The following NCAM1 variants were observed in gnomAD, a reference collection of about 807,000 sequenced individuals.
NCAM1 encodes the protein neural cell adhesion molecule 1.
Under a neutral mutation model 109.8 loss-of-function variants are expected in NCAM1, and 14 were observed. That is an observed-to-expected ratio of 0.13 (90% confidence interval 0.08 to 0.20). The LOEUF (loss-of-function observed/expected upper bound fraction) is 0.20. Ranked by LOEUF, NCAM1 falls within the 10% of genes least tolerant of loss-of-function variation. The pLI, the probability that NCAM1 is intolerant of heterozygous loss-of-function variation, is 1.00. For synonymous variants in NCAM1, 418 were observed against 442.9 expected (o/e 0.94, Z 0.70); for missense variants, 774 against 1,109.9 (o/e 0.70, Z 4.30).
At chr11:113,040,428 A>G (rs772385982) in intron 1 of NCAM1, among the ~76,000 whole-genome samples, 1 of 152,178 alleles carries the variant, frequency 6.6e-6, no homozygotes, top group Non-Finnish European at 1.5e-5. Context: ...ATTTTCAGTA[A>G]TGGGCAAATT....
Position 113,233,248 on chromosome 11 carries a change from A to G in NCAM1, c.1624A>G (p.Lys542Glu). The G allele has an allele frequency of 6.2e-7, 1 of 1,613,770 alleles. No individual in the cohort carries two copies. The highest frequency in any genetic ancestry group is 8.5e-7 in the Non-Finnish European group (1 of 1,179,840). The change falls in exon 13 of 20, where the codon AAA becomes GAA. Residue 542 changes from lysine to glutamate, a missense_variant. Physicochemically the swap from Lys to Glu is moderately conservative, Grantham distance 56. This residue lies in a region of NCAM1 where 523 missense variants were observed against 784.2 expected (regional missense o/e 0.67). Transcript: ENST00000316851. The surrounding 1 kb of genome is among the most constrained non-coding windows in gnomAD (Gnocchi z 4.5). The part of the protein sequence containing the change: ...PEATGGVPIL[K>E]YKAEWRAVGE... ...GGCCACAGGTGGGGTGCCCATCCTC[A>G]AATACAAAGCTGAGTGGAGAGCAGT... is the stretch of plus-strand genomic sequence containing the variant.
chr11:113,057,705 G>C (rs1953760799), intron 1 of NCAM1, among the ~76,000 whole-genome samples: 1 of 152,120 alleles, frequency 6.6e-6, no homozygotes, highest in African/African-American at 2.4e-5. Flanking sequence ...ATAACCCCTA[G>C]TTTCCTAGCA....
At chr11:113,161,552 A>C (rs1942601653) in intron 1 of NCAM1, among the ~76,000 whole-genome samples, 1 of 152,202 alleles carries the variant, frequency 6.6e-6, no homozygotes, top group Non-Finnish European at 1.5e-5. Context: ...GAGACTGATC[A>C]ATCTTGTAAT....
chr11:113,017,651 G>C (rs994642349), intron 1 of NCAM1, among the ~76,000 whole-genome samples: 8 of 152,040 alleles, frequency 5.3e-5, no homozygotes, highest in Non-Finnish European at 1.0e-4. Flanking sequence ...GTGTGTGTGT[G>C]TGTGTGTGTA....
chr11:113,105,911 T>C (rs1356686252), intron 1 of NCAM1, among the ~76,000 whole-genome samples: 17 of 152,236 alleles, frequency 1.1e-4, no homozygotes, highest in African/African-American at 3.9e-4. Context: ...TGTATTCTAT[T>C]TCAGTAAAGC....
chr11:113,080,854 A>G (rs1938777765), intron 1 of NCAM1, among the ~76,000 whole-genome samples: 1 of 152,172 alleles, frequency 6.6e-6, no homozygotes, highest in South Asian at 2.1e-4. Flanking sequence ...AAGGGAACAG[A>G]GTGCAGTGGC....
intron 1 of NCAM1, among the ~76,000 whole-genome samples, chr11:113,144,361 A>G (rs1941937263): frequency 6.6e-6 from 1 of 152,206 alleles, no homozygotes; most frequent in Non-Finnish European, 1.5e-5. Context: ...CACTTAGTTT[A>G]TATGAAGCAT....
chr11:112,973,424 G>T (rs1565357583), intron 1 of NCAM1, among the ~76,000 whole-genome samples: 1 of 152,078 alleles, frequency 6.6e-6, no homozygotes, highest in Non-Finnish European at 1.5e-5. Context: ...AAGCTCTTTG[G>T]TTTGGGTACA....
intron 1 of NCAM1, among the ~76,000 whole-genome samples, chr11:113,043,149 G>A (rs75793180): frequency 0.013 from 1,902 of 152,046 alleles, 16 homozygotes; most frequent in Non-Finnish European, 0.021. Context: ...GGCTGGCGAG[G>A]GGGCACTGGG....
chr11:113,132,579 T>A (rs148682861), intron 1 of NCAM1, among the ~76,000 whole-genome samples: 1 of 150,642 alleles, frequency 6.6e-6, no homozygotes, highest in Admixed American at 6.6e-5. Flanking sequence ...CAGATGAGTT[T>A]GGGATCAGGC....
intron 1 of NCAM1, among the ~76,000 whole-genome samples, chr11:113,153,087 G>C (rs1417312182): frequency 6.6e-6 from 1 of 151,196 alleles, no homozygotes; most frequent in Non-Finnish European, 1.5e-5. Context: ...CTGTCACCTA[G>C]GCTGGAGTGC....
chr11:112,994,895 A>G (rs1278883521), intron 1 of NCAM1, among the ~76,000 whole-genome samples: 5 of 152,028 alleles, frequency 3.3e-5, no homozygotes, highest in Non-Finnish European at 7.4e-5. Context: ...CTTGTATGTT[A>G]TCTTTATCCT....
At chr11:113,096,493 G>T (rs370277935) in intron 1 of NCAM1, among the ~76,000 whole-genome samples, 1 of 152,032 alleles carries the variant, frequency 6.6e-6, no homozygotes, top group Non-Finnish European at 1.5e-5. Context: ...CGGACAGTGG[G>T]TTTGAAATGC....
At chr11:113,134,699 A>C (rs750633355) in intron 1 of NCAM1, among the ~76,000 whole-genome samples, 3 of 152,116 alleles carry the variant, frequency 2.0e-5, no homozygotes, top group East Asian at 1.9e-4. Context: ...CTGTGGAAGC[A>C]CATGTTCCCC....
intron 1 of NCAM1, among the ~76,000 whole-genome samples, chr11:113,124,529 G>A (rs1403574206): frequency 6.6e-6 from 1 of 152,192 alleles, no homozygotes; most frequent in Non-Finnish European, 1.5e-5. Flanking sequence ...AGTGGCTGCT[G>A]TGTGTTTACA....
chr11:113,172,937 C>T (rs1428098859), intron 1 of NCAM1, among the ~76,000 whole-genome samples: 2 of 152,126 alleles, frequency 1.3e-5, no homozygotes, highest in South Asian at 2.1e-4. Context: ...CAAATGATGT[C>T]GAATAGTTTT....
intron 1 of NCAM1, among the ~76,000 whole-genome samples, chr11:113,123,741 C>A (rs1941065093): frequency 6.6e-6 from 1 of 152,212 alleles, no homozygotes; most frequent in South Asian, 2.1e-4. Context: ...GTCAACCCGG[C>A]TTTATCAAGC....
intron 9 of NCAM1, among the ~76,000 whole-genome samples, chr11:113,223,074 T>C (rs1168120496): frequency 6.6e-6 from 1 of 152,200 alleles, no homozygotes; most frequent in Non-Finnish European, 1.5e-5. Flanking sequence ...TAATTATCAT[T>C]AACCTTCATA....
intron 1 of NCAM1, among the ~76,000 whole-genome samples, chr11:113,042,357 C>T (rs1192256349): frequency 1.3e-5 from 2 of 152,216 alleles, no homozygotes; most frequent in Middle Eastern, 3.2e-3. Flanking sequence ...TTCTCAACCT[C>T]GGCCTCAGGC....
Sources: gnomAD v4.1 joint callset for allele counts (sites outside exome capture counted in the v4.1 genomes callset) on GRCh38, gnomAD v4.1.1 for gene constraint, gnomAD v4.1.1 regional missense constraint, Gnocchi (gnomAD v3.1) non-coding constraint, MANE v1.5 for transcripts, NCBI Gene and HGNC (gene_info 2026-07-23, HGNC 2026-07-21) for gene names.